Variants in TYW1 observed in about 807,000 individuals in gnomAD.
The protein encoded by TYW1 is tRNA-yW synthesizing protein 1 homolog.
TYW1 carries 46 observed loss-of-function variants against 96.2 expected under a neutral mutation model. That is an observed-to-expected ratio of 0.48 (90% CI 0.38 to 0.61). The LOEUF (loss-of-function observed/expected upper bound fraction) is 0.61. TYW1 is among the 20% of genes least tolerant of loss of function. The probability of loss-of-function intolerance (pLI) is 0.00; values close to 1 mark genes in which losing one functional copy is unlikely to be tolerated. For missense variants in TYW1, 684 were observed against 909.6 expected (o/e 0.75, Z 3.19); for synonymous variants, 274 against 323.0 (o/e 0.85, Z 1.63).
intron 13 of TYW1, among the ~76,000 whole-genome samples, chr7:67,171,293 A>C (rs1201962976): frequency 6.6e-6 from 1 of 152,054 alleles, no homozygotes; most frequent in East Asian, 1.9e-4. Flanking sequence ...TTCTTAGTCT[A>C]GCTAAAGGTC....
rs1468036613 is a variant in TYW1 at position 67,056,236 on chromosome 7, T to C, written c.1155+349T>C. On this transcript the variant is annotated intron_variant, in intron 9 of 15. Transcript: ENST00000359626. The stretch of plus-strand genomic sequence containing the variant: ...GGCCAGATGCAGTGGCTCACGCCTG[T>C]AATCCTAGCACTTTCGGAGGCCAGG... 2.0e-5 allele frequency among the ~76,000 whole-genome samples: 3 copies of C among 152,230 alleles called. 1 individual carries two copies. Among genetic ancestry groups the C allele is most frequent in the Non-Finnish European group, 4.4e-5 (3 of 68,040 alleles).
intron 13 of TYW1, among the ~76,000 whole-genome samples, chr7:67,136,650 C>CGTGTGTGT (rs59522817): frequency 2.8e-5 from 4 of 144,080 alleles, no homozygotes; most frequent in East Asian, 4.2e-4. Flanking sequence ...TTATACAGTG[C>CGTGTGTGT]GTGTGTGTGT....
intron 13 of TYW1, among the ~76,000 whole-genome samples, chr7:67,146,786 T>A (rs2116140994): frequency 6.6e-6 from 1 of 152,344 alleles, no homozygotes; most frequent in Non-Finnish European, 1.5e-5. Context: ...GAAGCCTGAT[T>A]GTAGGTGAAC....
At chr7:67,109,007 C>T (rs1242304393) in intron 12 of TYW1, among the ~76,000 whole-genome samples, 1 of 152,054 alleles carries the variant, frequency 6.6e-6, no homozygotes, top group Non-Finnish European at 1.5e-5. Flanking sequence ...GGTGCGGTGG[C>T]TCACGCCTGT....
At chr7:67,060,571 A>G (rs1294675798) in intron 9 of TYW1, among the ~76,000 whole-genome samples, 2 of 152,242 alleles carry the variant, frequency 1.3e-5, no homozygotes, top group Non-Finnish European at 2.9e-5. Flanking sequence ...GCTTTCCCAG[A>G]GGAATTTATC....
At chr7:67,044,361 G>T (rs1454352388) in intron 7 of TYW1, among the ~76,000 whole-genome samples, 1 of 151,948 alleles carries the variant, frequency 6.6e-6, no homozygotes, top group South Asian at 2.1e-4. Flanking sequence ...GCCTCCCAAA[G>T]TGCTGGGATT....
chr7:67,006,686 C>T (rs182119935), intron 3 of TYW1, among the ~76,000 whole-genome samples: 225 of 152,118 alleles, frequency 1.5e-3, no homozygotes, highest in Non-Finnish European at 2.1e-3. Context: ...GTGATCCGCC[C>T]GCCTTGACCT....
intron 10 of TYW1, among the ~76,000 whole-genome samples, chr7:67,079,489 CT>C (rs60070909): frequency 0.27 from 39,833 of 145,998 alleles, 5,330 homozygotes; most frequent in Middle Eastern, 0.36. Flanking sequence ...TTATTTGGAT[CT>C]TTTTTTTTTT....
rs562932320 is a variant in TYW1 at position 67,170,506 on chromosome 7, G to C, written c.1699-12620G>C. On this transcript the variant is annotated intron_variant, in intron 13 of 15. Coordinates refer to ENST00000359626, the MANE Select transcript of TYW1 (RefSeq NM_018264.4). ...ACAGGGATTTAAAATTTTGTATTGA[G>C]GTAGCATTCACGTAACATAAAATGA... Among the ~76,000 whole-genome samples, 39 of 152,284 alleles carry C rather than the reference G, an allele frequency of 2.6e-4. 1 individual carries two copies. The South Asian group carries it at 7.9e-3, about 31-fold the overall frequency.
intron 15 of TYW1, among the ~76,000 whole-genome samples, chr7:67,221,395 A>G (rs1410472636): frequency 6.6e-6 from 1 of 152,188 alleles, no homozygotes; most frequent in Non-Finnish European, 1.5e-5. Context: ...TTCAAAGCGA[A>G]TCTATTGTAG....
intron 11 of TYW1, among the ~76,000 whole-genome samples, chr7:67,086,426 G>A (rs539894728): frequency 5.7e-4 from 86 of 152,110 alleles, no homozygotes; most frequent in South Asian, 1.2e-3. Flanking sequence ...ACCAGTGGGT[G>A]TATGTGTATG....
rs57995491 is a variant in TYW1, at chr7:67,234,238, G to A, written c.1978-4070G>A. Among the ~76,000 whole-genome samples, 5 of 116,230 alleles carry A rather than the reference G, an allele frequency of 4.3e-5. 1 individual carries two copies. The highest frequency in any genetic ancestry group is 5.9e-4 in the South Asian group (2 of 3,402). The allele number at this position is 116,230 out of a possible 152,430, so 76.3% of individuals were successfully genotyped here. On this transcript the variant is annotated intron_variant, in intron 15 of 15. Transcript: ENST00000359626. ...GACATGTACCTGTAATCTGAGCTAC[G>A]CAGGAGGCTGAGGTGGGAGGATGGC...
chr7:67,015,781 T>C (rs1793997389), intron 5 of TYW1, among the ~76,000 whole-genome samples: 2 of 152,162 alleles, frequency 1.3e-5, no homozygotes, highest in South Asian at 4.2e-4. Context: ...GCTAACATGC[T>C]GAAGCCCCGT....
chr7:67,029,415 G>T (rs28729977), intron 7 of TYW1, among the ~76,000 whole-genome samples: 1 of 94,320 alleles, frequency 1.1e-5, no homozygotes, highest in African/African-American at 3.6e-5. Flanking sequence ...GTGTGTGTGT[G>T]TATATATATA....
At chr7:67,117,859 TG>T (rs746287698) in intron 13 of TYW1, among the ~76,000 whole-genome samples, 25 of 152,224 alleles carry the variant, frequency 1.6e-4, no homozygotes, top group Non-Finnish European at 2.9e-4. Context: ...ATGCTTTGTA[TG>T]TATCATTTGC....
At chr7:67,195,380 G>C (rs1452532114) in intron 15 of TYW1, 43 bp downstream of exon 15, 1 of 1,605,432 alleles carries the variant, frequency 6.2e-7, no homozygotes, top group Non-Finnish European at 8.5e-7. Flanking sequence ...CCCCGACCCT[G>C]CTGTTCTTTC....
chr7:67,161,232 A>G (rs772465655), intron 13 of TYW1, among the ~76,000 whole-genome samples: 2 of 152,074 alleles, frequency 1.3e-5, no homozygotes, highest in Non-Finnish European at 2.9e-5. Context: ...TTACATTTTC[A>G]TATTTATTTT....
At chr7:67,157,905 A>G (rs1799037067) in intron 13 of TYW1, among the ~76,000 whole-genome samples, 1 of 152,112 alleles carries the variant, frequency 6.6e-6, no homozygotes, top group African/African-American at 2.4e-5. Context: ...AAATTTGTAT[A>G]TATTAAGGCT....
At chr7:67,035,083 AT>A (rs1248870449) in intron 7 of TYW1, among the ~76,000 whole-genome samples, 2 of 147,268 alleles carry the variant, frequency 1.4e-5, no homozygotes, top group East Asian at 2.0e-4. Flanking sequence ...GTTCATTTGC[AT>A]TTTTTCTTTC....
Sources: gnomAD v4.1 joint callset for allele counts (sites outside exome capture counted in the v4.1 genomes callset) on GRCh38, gnomAD v4.1.1 for gene constraint, MANE v1.5 for transcripts, NCBI Gene and HGNC (gene_info 2026-07-23, HGNC 2026-07-21) for gene names.